Variants in SEMA3C observed in about 807,000 individuals in gnomAD.
The protein encoded by SEMA3C is semaphorin 3C, also known as semaphorin-3C.
Under a neutral mutation model 89.4 loss-of-function variants are expected in SEMA3C, and 47 were observed. The observed-to-expected ratio is 0.53, with a 90% CI of 0.42 to 0.67. The LOEUF (loss-of-function observed/expected upper bound fraction) is 0.67. Ranked by LOEUF, SEMA3C falls within the 30% of genes least tolerant of loss-of-function variation. The pLI, the probability that SEMA3C is intolerant of heterozygous loss-of-function variation, is 0.00. For synonymous variants in SEMA3C, 310 were observed against 320.2 expected (o/e 0.97, Z 0.34); for missense variants, 839 against 929.1 (o/e 0.90, Z 1.26).
intron 2 of SEMA3C, among the ~76,000 whole-genome samples, chr7:80,883,008 T>C (rs137889699): frequency 6.6e-6 from 1 of 152,054 alleles, no homozygotes; most frequent in Non-Finnish European, 1.5e-5. Flanking sequence ...CAAAAGAGGA[T>C]GCCATGAGAT....
chr7:80,807,916 AATG>A (rs1372980096), intron 6 of SEMA3C, among the ~76,000 whole-genome samples: 1 of 152,296 alleles, frequency 6.6e-6, no homozygotes, highest in East Asian at 1.9e-4. Flanking sequence ...GGATGAATAA[AATG>A]ATAACTACAA....
intron 12 of SEMA3C, among the ~76,000 whole-genome samples, chr7:80,765,567 G>T (rs539627596): frequency 1.2e-3 from 165 of 140,196 alleles, no homozygotes; most frequent in African/African-American, 4.7e-3. Flanking sequence ...AGTTTTTTTT[G>T]TTTTGTTTTG....
intron 2 of SEMA3C, among the ~76,000 whole-genome samples, chr7:80,861,845 A>G (rs1790779030): frequency 6.6e-6 from 1 of 152,208 alleles, no homozygotes; most frequent in Non-Finnish European, 1.5e-5. Flanking sequence ...CCAAAATCAC[A>G]CGATCATCTC....
intron 10 of SEMA3C, among the ~76,000 whole-genome samples, chr7:80,800,340 G>A (rs978311700): frequency 6.6e-6 from 1 of 151,890 alleles, no homozygotes; most frequent in Non-Finnish European, 1.5e-5. Context: ...ATACAATGTC[G>A]TAAGTTCAGA....
chr7:80,885,492 C>T (rs1049748207), intron 2 of SEMA3C, among the ~76,000 whole-genome samples: 2 of 152,094 alleles, frequency 1.3e-5, no homozygotes, highest in Non-Finnish European at 2.9e-5. Flanking sequence ...TGGTGCATGC[C>T]CATAGTCCCA....
At chr7:80,874,017 T>C (rs1296798103) in intron 2 of SEMA3C, among the ~76,000 whole-genome samples, 3 of 152,182 alleles carry the variant, frequency 2.0e-5, no homozygotes, top group African/African-American at 4.8e-5. Flanking sequence ...AAGCCCTTTT[T>C]TGGAGTGGAG....
chr7:80,745,808 T>TA, intron 17 of SEMA3C, among the ~76,000 whole-genome samples: 1 of 152,184 alleles, frequency 6.6e-6, no homozygotes, highest in South Asian at 2.1e-4. Context: ...GTCTTCTAAA[T>TA]AAAAAATACA....
chr7:80,759,708 T>G (rs940626345), intron 14 of SEMA3C, among the ~76,000 whole-genome samples: 1 of 152,210 alleles, frequency 6.6e-6, no homozygotes, highest in Non-Finnish European at 1.5e-5. Flanking sequence ...TTGAATCACA[T>G]CTCACTCTAC....
At chr7:80,753,506 T>C (rs889923235) in intron 15 of SEMA3C, among the ~76,000 whole-genome samples, 2 of 151,820 alleles carry the variant, frequency 1.3e-5, no homozygotes, top group African/African-American at 2.4e-5. Flanking sequence ...CTTCTAGACA[T>C]TGAAATGCAG....
chr7:80,822,034 T>C lies in SEMA3C; in HGVS notation c.328-3616A>G, dbSNP rs547197461. Among the ~76,000 whole-genome samples the C allele has an allele frequency of 2.6e-5, 4 of 152,310 alleles. No individual in the cohort carries two copies. The South Asian group carries it at 8.3e-4, about 32-fold the overall frequency. ...TTATCCAGGTTCTTTCCATTTCCAT[T>C]GTGCTGCCTTCGTTTCTGACCTAGA... On this transcript the variant is annotated intron_variant, in intron 4 of 17. Transcript: ENST00000265361.
At chr7:80,786,563 T>C (rs1788807726) in intron 12 of SEMA3C, among the ~76,000 whole-genome samples, 1 of 152,186 alleles carries the variant, frequency 6.6e-6, no homozygotes, top group Non-Finnish European at 1.5e-5. Context: ...GAAAACTGTT[T>C]TTCTAACACA....
intron 11 of SEMA3C, among the ~76,000 whole-genome samples, chr7:80,796,867 A>G (rs1363730351): frequency 1.3e-5 from 2 of 152,200 alleles, no homozygotes; most frequent in Non-Finnish European, 2.9e-5. Flanking sequence ...GGAATAAAAT[A>G]TGCTCTTTAA....
chr7:80,861,702 C>G (rs1790775754), intron 2 of SEMA3C, among the ~76,000 whole-genome samples: 1 of 152,100 alleles, frequency 6.6e-6, no homozygotes, highest in Admixed American at 6.6e-5. Context: ...GTATTCTTCA[C>G]CAACCATTGT....
At chr7:80,768,008 A>C (rs1177845884) in intron 12 of SEMA3C, among the ~76,000 whole-genome samples, 1 of 152,268 alleles carries the variant, frequency 6.6e-6, no homozygotes, top group East Asian at 1.9e-4. Context: ...CAAAAGAGCA[A>C]GACAGAGTTT....
upstream of SEMA3C, chr7:80,922,358 G>C (rs1451977260): frequency 2.5e-6 from 3 of 1,183,564 alleles, no homozygotes; most frequent in East Asian, 1.7e-4. Context: ...TTCCTGAACT[G>C]TATCTTTGGA....
intron 2 of SEMA3C, among the ~76,000 whole-genome samples, chr7:80,842,479 T>C (rs550101533): frequency 1.3e-5 from 2 of 152,256 alleles, no homozygotes; most frequent in East Asian, 3.9e-4. Flanking sequence ...TGCTACCCCA[T>C]TGAGACAAAC....
intron 2 of SEMA3C, chr7:80,905,938 G>A: frequency 8.0e-7 from 1 of 1,257,412 alleles, no homozygotes; most frequent in South Asian, 1.3e-5. Context: ...TCATGGAATT[G>A]AATGTAATTT....
chr7:80,891,638 C>A (rs1791616822), intron 2 of SEMA3C, among the ~76,000 whole-genome samples: 1 of 151,790 alleles, frequency 6.6e-6, no homozygotes, highest in South Asian at 2.1e-4. Flanking sequence ...AAAATATTTT[C>A]AAATGTTTTT....
intron 2 of SEMA3C, among the ~76,000 whole-genome samples, chr7:80,865,146 C>T (rs1790896200): frequency 6.6e-6 from 1 of 152,014 alleles, no homozygotes; most frequent in East Asian, 1.9e-4. Context: ...TTATAGTTAG[C>T]TTTGTGGTCT....
Sources: gnomAD v4.1 joint callset for allele counts (sites outside exome capture counted in the v4.1 genomes callset) on GRCh38, gnomAD v4.1.1 for gene constraint, MANE v1.5 for transcripts, NCBI Gene and HGNC (gene_info 2026-07-23, HGNC 2026-07-21) for gene names.